The following IFT56 variants were observed in gnomAD, a reference collection of about 807,000 sequenced individuals.
IFT56 encodes intraflagellar transport 56.
At chr7:139,159,569 G>C in the IFT56 span, among the ~76,000 whole-genome samples, 1 of 152,078 alleles carries the variant, frequency 6.6e-6, no homozygotes, top group Admixed American at 6.6e-5. Flanking sequence ...TGCTGGTATT[G>C]GGCTTTCTTT....
chr7:139,148,737 C>A, the IFT56 span, among the ~76,000 whole-genome samples: 1 of 150,302 alleles, frequency 6.7e-6, no homozygotes, highest in East Asian at 2.0e-4. Context: ...CCAGCCTAGC[C>A]AACATGGCCC....
At chr7:139,147,356 G>C in the IFT56 span, 1 of 1,378,560 alleles carries the variant, frequency 7.3e-7, no homozygotes, top group Non-Finnish European at 9.9e-7. Flanking sequence ...TAACTAGTTT[G>C]AGAATCTAGT....
At chr7:139,172,759 T>C in the IFT56 span, 9 of 634,784 alleles carry the variant, frequency 1.4e-5, no homozygotes, top group Admixed American at 7.3e-5. Context: ...GCTGGTCACC[T>C]GGTGGGTAAT....
chr7:139,148,625 C>A, the IFT56 span, among the ~76,000 whole-genome samples: 1 of 152,160 alleles, frequency 6.6e-6, no homozygotes, highest in African/African-American at 2.4e-5. Flanking sequence ...ACATTTAAAA[C>A]CAAATGCTTA....
the IFT56 span, chr7:139,147,298 T>A: frequency 2.5e-6 from 4 of 1,593,494 alleles, no homozygotes; most frequent in Non-Finnish European, 3.4e-6. Context: ...CAGGTCTGTG[T>A]CCTTTTATGC....
At chr7:139,158,880 C>T in the IFT56 span, among the ~76,000 whole-genome samples, 1 of 152,084 alleles carries the variant, frequency 6.6e-6, no homozygotes, top group African/African-American at 2.4e-5. Context: ...CGCCACTGCA[C>T]TCCAGCCTGA....
At chr7:139,153,450 A>G in the IFT56 span, among the ~76,000 whole-genome samples, 1 of 151,748 alleles carries the variant, frequency 6.6e-6, no homozygotes, top group Non-Finnish European at 1.5e-5. Flanking sequence ...CCGTCTCAAA[A>G]AAAAAAAAAA....
chr7:139,141,188 G>A, the IFT56 span, among the ~76,000 whole-genome samples: 1 of 151,864 alleles, frequency 6.6e-6, no homozygotes, highest in African/African-American at 2.4e-5. Context: ...GTGAACGCGG[G>A]AGGCGGAGCT....
chr7:139,160,318 G>A, the IFT56 span, among the ~76,000 whole-genome samples: 10 of 152,088 alleles, frequency 6.6e-5, no homozygotes, highest in African/African-American at 2.4e-4. Context: ...GTTGTTTAAG[G>A]CTTAGTTCGT....
chr7:139,189,620 G>A, the IFT56 span: 1 of 486,526 alleles, frequency 2.1e-6, no homozygotes. Context: ...GCCATAGTCT[G>A]TGACCCTGTA....
At chr7:139,189,417 CAG>C in the IFT56 span, 4 of 1,612,108 alleles carry the variant, frequency 2.5e-6, no homozygotes, top group African/African-American at 4.0e-5. Flanking sequence ...CCAAAGAAAA[CAG>C]AGTGTCCATC....
At chr7:139,160,549 C>T in the IFT56 span, among the ~76,000 whole-genome samples, 13 of 151,980 alleles carry the variant, frequency 8.6e-5, no homozygotes, top group Admixed American at 2.6e-4. Context: ...CCTGCCTCAG[C>T]CTCCTGAGTT....
At chr7:139,179,712 G>A in the IFT56 span, 3 of 1,273,066 alleles carry the variant, frequency 2.4e-6, no homozygotes, top group Admixed American at 6.2e-5. Flanking sequence ...AATCTGTTCG[G>A]AAATGACATT....
the IFT56 span, among the ~76,000 whole-genome samples, chr7:139,182,032 G>T: frequency 7.9e-5 from 12 of 151,614 alleles, no homozygotes; most frequent in Non-Finnish European, 1.6e-4. Flanking sequence ...CAGAAAAAGA[G>T]AATAAAAAAG....
chr7:139,164,245 T>C, the IFT56 span, among the ~76,000 whole-genome samples: 1 of 152,206 alleles, frequency 6.6e-6, no homozygotes, highest in African/African-American at 2.4e-5. Context: ...CTGAAATATG[T>C]GCCATTTAGC....
At chr7:139,170,085 A>G in the IFT56 span, among the ~76,000 whole-genome samples, 1 of 152,218 alleles carries the variant, frequency 6.6e-6, no homozygotes, top group Non-Finnish European at 1.5e-5. Context: ...ATGAGCAATG[A>G]TATGTCAGTA....
chr7:139,146,708 A>G, the IFT56 span, among the ~76,000 whole-genome samples: 2 of 148,188 alleles, frequency 1.3e-5, no homozygotes, highest in East Asian at 4.0e-4. Context: ...CAGAGGTTGC[A>G]GTGAGCCGAG....
the IFT56 span, among the ~76,000 whole-genome samples, chr7:139,146,766 CAAAAAAAA>C: frequency 1.8e-4 from 16 of 88,716 alleles, no homozygotes; most frequent in South Asian, 2.8e-3. Flanking sequence ...GACTCCGTTT[CAAAAAAAA>C]AAAAAAAAAA....
the IFT56 span, among the ~76,000 whole-genome samples, chr7:139,158,336 A>G: frequency 1.3e-5 from 2 of 151,644 alleles, no homozygotes; most frequent in Non-Finnish European, 2.9e-5. Flanking sequence ...CCAACAAAGT[A>G]AAAAAAGAAA....
Sources: allele counts gnomAD v4.1 joint callset (sites outside exome capture counted in the v4.1 genomes callset), GRCh38; gene constraint gnomAD v4.1.1; transcripts MANE v1.5; gene names NCBI Gene and HGNC (gene_info 2026-07-23, HGNC 2026-07-21).